Variants in SLC39A10 observed in about 807,000 individuals in gnomAD.
SLC39A10 encodes the protein zinc transporter ZIP10.
Under a neutral mutation model 65.1 loss-of-function variants are expected in SLC39A10, and 13 were observed. The observed-to-expected ratio is 0.20, with a 90% CI of 0.13 to 0.32. SLC39A10 has a LOEUF of 0.32. Among genes scored for constraint, SLC39A10 ranks in the 10% least tolerant of loss-of-function variants. SLC39A10 has a pLI of 1.00. For missense variants in SLC39A10, 831 were observed against 1,018.4 expected (o/e 0.82, Z 2.50); for synonymous variants, 321 against 342.2 (o/e 0.94, Z 0.68).
intron 4 of SLC39A10, among the ~76,000 whole-genome samples, chr2:195,708,258 C>A (rs1417298981): frequency 6.6e-6 from 1 of 152,122 alleles, no homozygotes; most frequent in Non-Finnish European, 1.5e-5. Flanking sequence ...AATTAGATTA[C>A]AGGGAATCAC....
At chr2:195,624,887 C>CAAAA (rs60370795) in intron 2 of SLC39A10, among the ~76,000 whole-genome samples, 3 of 47,316 alleles carry the variant, frequency 6.3e-5, no homozygotes, top group African/African-American at 2.5e-4. Flanking sequence ...GACTCCATCT[C>CAAAA]AAAAAAAAAA....
chr2:195,626,729 G>C (rs1688482105), intron 2 of SLC39A10, among the ~76,000 whole-genome samples: 1 of 152,188 alleles, frequency 6.6e-6, no homozygotes. Context: ...TATAGTTAGA[G>C]TCAGCTGGAA....
chr2:195,703,290 G>A (rs531294314), intron 3 of SLC39A10, among the ~76,000 whole-genome samples: 3 of 152,154 alleles, frequency 2.0e-5, no homozygotes, highest in African/African-American at 7.2e-5. Context: ...TTTTTAAAGG[G>A]GCAGAATAAT....
chr2:195,719,199 CT>C (rs1006822569), intron 8 of SLC39A10, among the ~76,000 whole-genome samples: 19 of 150,234 alleles, frequency 1.3e-4, no homozygotes, highest in Non-Finnish European at 2.5e-4. Flanking sequence ...ATGAGCTGCA[CT>C]TTTTTTTTCT....
In SLC39A10 at chr2:195,625,216, CAAAAA is replaced by C. The variant is rs759012458; in HGVS notation, c.-12+18988_-12+18992del. Reference sequence around the variant, plus strand: ...TGTGCGACAGAGGGACACTCTGTCTCAAAAAAAAAGAAAGAAAGAAAGAAAGAAAG... The same window carrying C: ...TGTGCGACAGAGGGACACTCTGTCTCAAAAGAAAGAAAGAAAGAAAGAAAG... On this transcript the variant is annotated intron_variant, in intron 2 of 2. Coordinates refer to the SLC39A10 transcript ENST00000458054. 2.6e-4 allele frequency among the ~76,000 whole-genome samples: 28 copies of C among 108,624 alleles called. 1 individual carries two copies. The East Asian group carries it at 4.5e-3, about 17-fold the overall frequency. 71.3% of individuals were successfully genotyped at this position (108,624 alleles called of 152,430 possible).
At chr2:195,682,895 T>G (rs1024755339) in intron 2 of SLC39A10, among the ~76,000 whole-genome samples, 2 of 151,932 alleles carry the variant, frequency 1.3e-5, no homozygotes, top group Admixed American at 1.3e-4. Flanking sequence ...TTTCTGTGTT[T>G]ATAGGTTTTG....
chr2:195,624,123 T>G (rs1407272356), intron 2 of SLC39A10, among the ~76,000 whole-genome samples: 1 of 152,068 alleles, frequency 6.6e-6, no homozygotes, highest in South Asian at 2.1e-4. Context: ...CGGTGGTTCA[T>G]ACCTGTAATT....
intron 5 of SLC39A10, among the ~76,000 whole-genome samples, chr2:195,710,136 G>A (rs1372392023): frequency 6.6e-6 from 1 of 152,150 alleles, no homozygotes; most frequent in Admixed American, 6.5e-5. Context: ...TCACATTTAT[G>A]AGAATACAAA....
chr2:195,662,880 C>A (rs1469135505), intron 1 of SLC39A10, among the ~76,000 whole-genome samples: 1 of 152,142 alleles, frequency 6.6e-6, no homozygotes, highest in African/African-American at 2.4e-5. Context: ...GAAAAATGTT[C>A]AGTCAAATGA....
intron 9 of SLC39A10, among the ~76,000 whole-genome samples, chr2:195,731,028 C>T (rs781389648): frequency 4.6e-5 from 7 of 152,184 alleles, no homozygotes; most frequent in African/African-American, 7.2e-5. Flanking sequence ...CTGTCCTTGC[C>T]CTGCCTTCCA....
At chr2:195,657,899 T>G (rs1005898699) in intron 1 of SLC39A10, among the ~76,000 whole-genome samples, 3 of 152,162 alleles carry the variant, frequency 2.0e-5, no homozygotes, top group African/African-American at 7.2e-5. Flanking sequence ...CCTACTAGTT[T>G]TCTCCCGGAC....
chr2:195,699,878 C>G (rs1365635805), intron 3 of SLC39A10, among the ~76,000 whole-genome samples: 1 of 152,066 alleles, frequency 6.6e-6, no homozygotes, highest in Non-Finnish European at 1.5e-5. Flanking sequence ...CTGAGGTCTC[C>G]AACTATTATC....
At chr2:195,711,134 G>T (rs578077799) in intron 5 of SLC39A10, among the ~76,000 whole-genome samples, 1 of 152,322 alleles carries the variant, frequency 6.6e-6, no homozygotes, top group South Asian at 2.1e-4. Context: ...AGTTTGTAAA[G>T]AAGTTTTAGA....
At chr2:195,625,136 G>C (rs1461229416) in intron 2 of SLC39A10, among the ~76,000 whole-genome samples, 1 of 149,288 alleles carries the variant, frequency 6.7e-6, no homozygotes, top group African/African-American at 2.5e-5. Flanking sequence ...AGAATCGCTT[G>C]AACCCGGGAG....
chr2:195,683,800 A>C lies in SLC39A10; in HGVS notation c.1110A>C (p.Gln370His). The change falls in exon 3 of 10, where the codon CAA becomes CAC. Residue 370 changes from glutamine (Q) to histidine (H), a missense_variant. Physicochemically the swap from Gln to His is conservative, Grantham distance 24 (BLOSUM62 0). Around this residue, in one of 4 missense-constraint regions of SLC39A10, gnomAD observed 446 missense variants for 499.2 expected, o/e 0.89. Coordinates refer to ENST00000359634, the MANE Select transcript of SLC39A10 (RefSeq NM_020342.3). ...FTYLCPALLY[Q>H]IDSRLCIEHF... Reference sequence around the variant, plus strand: ...ACCTTTGCCCTGCATTGTTATATCAAATCGACAGCAGACTTTGTATTGAGC... The same window carrying C: ...ACCTTTGCCCTGCATTGTTATATCACATCGACAGCAGACTTTGTATTGAGC... 1 of 1,613,438 alleles carries C rather than the reference A, an allele frequency of 6.2e-7. No homozygotes were observed. Among genetic ancestry groups the C allele is most frequent in the African/African-American group, 1.3e-5 (1 of 75,018 alleles).
rs774907966 is a variant in SLC39A10 at position 195,735,056 on chromosome 2, C to A, written c.*15C>A. On this transcript the variant is annotated 3_prime_UTR_variant, in exon 10 of 10. Transcript: ENST00000359634. ...TCCAGTTTTGACCTTTCCCAGTAAT[C>A]ACTGTTGATTACGAGAATGTTACCA... The A allele has an allele frequency of 4.2e-5, 68 of 1,605,748 alleles. No individual in the cohort carries two copies. Among genetic ancestry groups the A allele is most frequent in the Non-Finnish European group, 5.4e-5 (63 of 1,176,610 alleles).
intron 3 of SLC39A10, among the ~76,000 whole-genome samples, chr2:195,704,391 C>CA: frequency 6.6e-6 from 1 of 152,184 alleles, no homozygotes; most frequent in Non-Finnish European, 1.5e-5. Context: ...TACCAACTCA[C>CA]TTTGTCCCAT....
At position 195,711,870 on chromosome 2, in the gene SLC39A10, T is replaced by C. The variant is rs1384603913; in HGVS notation, c.1576-1563T>C. 2.0e-5 allele frequency among the ~76,000 whole-genome samples: 3 copies of C among 152,318 alleles called. No individual in the cohort carries two copies. The East Asian group carries it at 5.8e-4, about 29-fold the overall frequency. On this transcript the variant is annotated intron_variant, in intron 5 of 9. Transcript: ENST00000359634. ...TACTATTGTTGGCTCCTCCTTCCCC[T>C]TTTTCCCCTTAACTCATGGTTGCCG...
chr2:195,676,191 G>A (rs1039746094), intron 1 of SLC39A10, among the ~76,000 whole-genome samples: 8 of 151,134 alleles, frequency 5.3e-5, no homozygotes, highest in African/African-American at 1.9e-4. Context: ...CCCCTCCCCT[G>A]CCGCCACCGA....
Sources: allele counts gnomAD v4.1 joint callset (sites outside exome capture counted in the v4.1 genomes callset), GRCh38; gene constraint gnomAD v4.1.1; regional missense constraint gnomAD v4.1.1; transcripts MANE v1.5; gene names NCBI Gene and HGNC (gene_info 2026-07-23, HGNC 2026-07-21).